NT5DC3: variants seen among roughly 807,000 people sequenced by gnomAD.
NT5DC3 encodes the protein 5'-nucleotidase domain-containing protein 3.
In NT5DC3, 42 loss-of-function variants were observed where a neutral mutation model predicts 67.8. That is an observed-to-expected ratio of 0.62 (90% CI 0.48 to 0.80). The LOEUF is 0.80. NT5DC3 is among the 30% of genes least tolerant of loss of function. NT5DC3 has a pLI of 0.00. For missense variants in NT5DC3, 570 were observed against 696.4 expected, an observed-to-expected ratio of 0.82 and a Z score of 2.04; for synonymous variants, 237 against 255.6, an observed-to-expected ratio of 0.93 and a Z score of 0.69.
chr12:103,793,094 A>C, intron 9 of NT5DC3, 70 bp downstream of exon 9: 1 of 1,110,940 alleles, frequency 9.0e-7, no homozygotes, highest in Non-Finnish European at 1.3e-6. Context: ...GATTTTACCA[A>C]GACACACCAT....
At chr12:103,747,648 G>A in the NT5DC3 span, among the ~76,000 whole-genome samples, 1 of 152,150 alleles carries the variant, frequency 6.6e-6, no homozygotes, top group Non-Finnish European at 1.5e-5. Context: ...CCTGGGAAAT[G>A]TCGTCTTTTA....
At chr12:103,833,232 C>T (rs1888006038) in intron 1 of NT5DC3, among the ~76,000 whole-genome samples, 1 of 152,168 alleles carries the variant, frequency 6.6e-6, no homozygotes, top group Admixed American at 6.5e-5. Context: ...AAGGCTCTGA[C>T]TCACTAGCTC....
intron 12 of NT5DC3, 72 bp downstream of exon 12, chr12:103,785,263 G>C: frequency 6.9e-7 from 1 of 1,449,290 alleles, no homozygotes; most frequent in Non-Finnish European, 9.7e-7. Flanking sequence ...CAATTAAGCA[G>C]AAAATACCTG....
the NT5DC3 span, among the ~76,000 whole-genome samples, chr12:103,762,929 A>G: frequency 6.6e-6 from 1 of 152,214 alleles, no homozygotes; most frequent in Non-Finnish European, 1.5e-5. Flanking sequence ...CCGGGGCAGC[A>G]GCACAGCGGT....
the NT5DC3 span, chr12:103,748,904 C>T: frequency 3.2e-6 from 5 of 1,560,240 alleles, no homozygotes; most frequent in African/African-American, 6.8e-5. Context: ...ATACCCTGAC[C>T]TGAAGCCCTA....
Position 103,773,915 on chromosome 12 carries a change from T to G in NT5DC3, c.*3914A>C, listed in dbSNP as rs116785592. On this transcript the variant is annotated 3_prime_UTR_variant, in exon 14 of 14. Transcript: ENST00000392876. ...CAACTAGTAATTGTAGTCTGTAATA[T>G]GCCCAAATCAGTAGCAAGTGGTTTA... 245 of 152,760 alleles carry G rather than the reference T, an allele frequency of 1.6e-3. No homozygotes were observed. The highest frequency in any genetic ancestry group is 5.8e-3 in the African/African-American group (240 of 41,574). The allele number at this position is 152,760 out of a possible 1,614,324, so 9.5% of individuals were successfully genotyped here.
chr12:103,748,962 G>A, the NT5DC3 span: 1 of 1,612,508 alleles, frequency 6.2e-7, no homozygotes, highest in East Asian at 2.2e-5. Flanking sequence ...TGCTCTTGCA[G>A]TTGTGGATTT....
At chr12:103,823,276 A>G (rs17034635) in intron 1 of NT5DC3, among the ~76,000 whole-genome samples, 2,725 of 151,776 alleles carry the variant, frequency 0.018, 100 homozygotes, top group East Asian at 0.18. Context: ...TCCATGTACC[A>G]CGAGGCTTTC....
chr12:103,801,608 C>T lies in NT5DC3; in HGVS notation c.525-2931G>A, dbSNP rs370087225. 9.9e-5 allele frequency among the ~76,000 whole-genome samples: 15 copies of T among 152,134 alleles called. No individual in the cohort carries two copies. The East Asian group carries it at 2.1e-3, about 22-fold the overall frequency. ...ATGTTAGCCAGGATGGTCTTGATCT[C>T]CTGACCTCGTGATCTACCTGCCTCA... On this transcript the variant is annotated intron_variant, in intron 4 of 13. Transcript: ENST00000392876.
rs1279506398 is a variant in NT5DC3, at chr12:103,788,847, T to C, written c.1092A>G (p.Ile364Met). The change falls in exon 10 of 14, where the codon ATA (isoleucine) becomes ATG (methionine). Residue 364 changes from isoleucine to methionine, a missense_variant. Ile to Met is a conservative substitution (Grantham distance 10). Coordinates refer to ENST00000392876, the MANE Select transcript of NT5DC3 (RefSeq NM_001031701.3). ...DKIHKLQKGQ[I>M]YKQGNLYEFL... ...GCTGGTCATGAGATACCTGCTTGTA[T>C]ATCTGGCCTTTCTGCAACTTATGGA... 1 of 1,609,518 alleles carries C rather than the reference T, an allele frequency of 6.2e-7. No individual in the cohort carries two copies. Among genetic ancestry groups the C allele is most frequent in the Non-Finnish European group, 8.5e-7 (1 of 1,175,822 alleles).
chr12:103,811,611 C>G (rs573498315), intron 2 of NT5DC3, among the ~76,000 whole-genome samples: 1 of 152,280 alleles, frequency 6.6e-6, no homozygotes, highest in South Asian at 2.1e-4. Context: ...AGAGACATGA[C>G]AACTAACTGC....
At chr12:103,814,475 T>C (rs995102637) in intron 2 of NT5DC3, among the ~76,000 whole-genome samples, 1 of 152,214 alleles carries the variant, frequency 6.6e-6, no homozygotes, top group Non-Finnish European at 1.5e-5. Context: ...GCATATTTTC[T>C]TTTTTTCCTT....
At chr12:103,782,270 A>G (rs768473566) in intron 12 of NT5DC3, among the ~76,000 whole-genome samples, 2 of 152,172 alleles carry the variant, frequency 1.3e-5, no homozygotes, top group Non-Finnish European at 2.9e-5. Context: ...TCAGGAGGGT[A>G]GGCATGAGAA....
chr12:103,764,980 C>T, the NT5DC3 span, among the ~76,000 whole-genome samples: 13 of 148,442 alleles, frequency 8.8e-5, no homozygotes, highest in East Asian at 2.0e-4. Flanking sequence ...CCCAGCTACA[C>T]GGGAGGCTGA....
chr12:103,768,634 T>TGAGAGAGA (rs58287606), downstream of NT5DC3, among the ~76,000 whole-genome samples: 1 of 24,910 alleles, frequency 4.0e-5, no homozygotes, highest in Non-Finnish European at 7.7e-5. Flanking sequence ...GGAGAGGGAG[T>TGAGAGAGA]GAGAGAGAGA....
chr12:103,815,668 C>T (rs79700159), intron 1 of NT5DC3, among the ~76,000 whole-genome samples: 15,504 of 152,190 alleles, frequency 0.1, 1,141 homozygotes, highest in East Asian at 0.3. Flanking sequence ...GCAACCCACC[C>T]ACCTCAGCCT....
the NT5DC3 span, chr12:103,762,372 C>T: frequency 3.7e-6 from 6 of 1,614,204 alleles, no homozygotes; most frequent in South Asian, 1.1e-5. Flanking sequence ...TTCGGATAAA[C>T]CGGAGAACAA....
chr12:103,762,399 T>C, the NT5DC3 span: 1 of 1,614,200 alleles, frequency 6.2e-7, no homozygotes, highest in South Asian at 1.1e-5. Flanking sequence ...TCCAGCATTT[T>C]GAGGTAAGAG....
At chr12:103,762,956 T>A in the NT5DC3 span, among the ~76,000 whole-genome samples, 1 of 152,222 alleles carries the variant, frequency 6.6e-6, no homozygotes, top group Non-Finnish European at 1.5e-5. Flanking sequence ...TCTTTCCTTA[T>A]GGACTTTGTC....
Sources: gnomAD v4.1 joint callset for allele counts (sites outside exome capture counted in the v4.1 genomes callset) on GRCh38, gnomAD v4.1.1 for gene constraint, MANE v1.5 for transcripts, NCBI Gene and HGNC (gene_info 2026-07-23, HGNC 2026-07-21) for gene names.